Variants in PRKCE observed in about 807,000 individuals in gnomAD.
PRKCE encodes protein kinase C epsilon type.
Under a neutral mutation model 85.4 loss-of-function variants are expected in PRKCE, and 16 were observed. The observed-to-expected ratio is 0.19, with a 90% CI of 0.13 to 0.28. The LOEUF is 0.28. Ranked by LOEUF, PRKCE falls within the 10% of genes least tolerant of loss-of-function variation. PRKCE has a pLI of 1.00. For synonymous variants in PRKCE, 388 were observed against 371.5 expected (o/e 1.04, Z -0.51); for missense variants, 573 against 975.2 (o/e 0.59, Z 5.49).
chr2:45,986,262 G>A (rs1284992484), intron 6 of PRKCE, among the ~76,000 whole-genome samples: 1 of 152,262 alleles, frequency 6.6e-6, no homozygotes, highest in Non-Finnish European at 1.5e-5. Flanking sequence ...AGCTGTCTTA[G>A]TGGGACAGTG....
chr2:45,675,909 C>T (rs185328214), intron 1 of PRKCE, among the ~76,000 whole-genome samples: 103 of 152,212 alleles, frequency 6.8e-4, no homozygotes, highest in Middle Eastern at 3.4e-3. Flanking sequence ...GCTGTGGAAG[C>T]GTCTCAGCAT....
intron 10 of PRKCE, among the ~76,000 whole-genome samples, chr2:46,048,112 C>A (rs1339904243): frequency 6.6e-6 from 1 of 152,176 alleles, no homozygotes; most frequent in African/African-American, 2.4e-5. Context: ...CCACCCCTCC[C>A]ACCCCCTGCC....
At chr2:45,846,312 G>GC (rs1174655487) in intron 2 of PRKCE, among the ~76,000 whole-genome samples, 1 of 152,172 alleles carries the variant, frequency 6.6e-6, no homozygotes, top group Non-Finnish European at 1.5e-5. Context: ...ATGTGGCAAT[G>GC]CCCCATGATT....
Position 46,145,338 on chromosome 2 carries a change from A to G in PRKCE, c.1731+107A>G. 1 of 1,414,956 alleles carries G rather than the reference A, an allele frequency of 7.1e-7. No homozygotes were observed. The highest frequency in any genetic ancestry group is 9.6e-7 in the Non-Finnish European group (1 of 1,037,320). The allele number at this position is 1,414,956 out of a possible 1,614,324, so 87.7% of individuals were successfully genotyped here. Reference sequence around the variant, plus strand: ...AGTGGTGCTGGGGGAAGGCTCTGGAAATCCAGGATGGATTCTAGGAAGGAG... The same window carrying G: ...AGTGGTGCTGGGGGAAGGCTCTGGAGATCCAGGATGGATTCTAGGAAGGAG... On this transcript the variant is annotated intron_variant, in intron 12 of 14. Coordinates refer to ENST00000306156, the MANE Select transcript of PRKCE (RefSeq NM_005400.3). This position sits in a 1 kb window ranked among gnomAD's most constrained non-coding sequence, Gnocchi z 4.6.
At chr2:46,031,644 C>G (rs981217169) in intron 10 of PRKCE, among the ~76,000 whole-genome samples, 4 of 142,866 alleles carry the variant, frequency 2.8e-5, no homozygotes, top group African/African-American at 7.7e-5. Flanking sequence ...GTAGAAAAAA[C>G]CCACTTACCC....
chr2:45,975,214 A>T lies in PRKCE; in HGVS notation c.413-1215A>T, dbSNP rs149716788. ...GGAGTTGTTTCGAGGGTTCATTGAG[A>T]TGTATTGTATCACTAAGATATAACA... is the stretch of plus-strand genomic sequence containing the variant. On this transcript the variant is annotated intron_variant, in intron 2 of 14. Transcript: ENST00000306156. Among the ~76,000 whole-genome samples the T allele has an allele frequency of 2.3e-3, 357 of 152,272 alleles. 1 individual carries two copies. The highest frequency in any genetic ancestry group is 8.0e-3 in the African/African-American group (333 of 41,548).
At chr2:45,931,592 A>G (rs535298355) in intron 2 of PRKCE, among the ~76,000 whole-genome samples, 6 of 152,264 alleles carry the variant, frequency 3.9e-5, no homozygotes, top group African/African-American at 1.4e-4. Flanking sequence ...TGGTGTTCCA[A>G]ATGTTCTATA....
At chr2:46,049,047 G>C (rs1708697002) in intron 10 of PRKCE, among the ~76,000 whole-genome samples, 1 of 152,136 alleles carries the variant, frequency 6.6e-6, no homozygotes, top group South Asian at 2.1e-4. Flanking sequence ...GTAGTCTAGA[G>C]TCCCAGGGCC....
chr2:45,719,140 C>T (rs1420425101), intron 1 of PRKCE, among the ~76,000 whole-genome samples: 1 of 152,224 alleles, frequency 6.6e-6, no homozygotes, highest in African/African-American at 2.4e-5. Flanking sequence ...CACCTGTGGG[C>T]GGTGCTAGGA....
At chr2:46,093,304 T>TA (rs1670355555) in intron 11 of PRKCE, among the ~76,000 whole-genome samples, 2 of 152,078 alleles carry the variant, frequency 1.3e-5, no homozygotes, top group Admixed American at 1.3e-4. Context: ...TCACCCGAGT[T>TA]TACACAATGA....
chr2:45,820,271 CAT>C (rs1467248132), intron 1 of PRKCE, among the ~76,000 whole-genome samples: 1 of 152,062 alleles, frequency 6.6e-6, no homozygotes, highest in African/African-American at 2.4e-5. Context: ...ACTTGAGAAA[CAT>C]GTGGGGAGAG....
At chr2:46,044,194 G>A (rs6721170) in intron 10 of PRKCE, among the ~76,000 whole-genome samples, 237 of 152,354 alleles carry the variant, frequency 1.6e-3, no homozygotes, top group African/African-American at 5.6e-3. Flanking sequence ...GTAACTTGGT[G>A]CTTAGTGGGT....
intron 1 of PRKCE, among the ~76,000 whole-genome samples, chr2:45,800,579 A>T (rs1687782502): frequency 1.3e-5 from 2 of 152,212 alleles, no homozygotes; most frequent in Admixed American, 1.3e-4. Context: ...TACTCCTAGA[A>T]GGAGTAAGTT....
intron 1 of PRKCE, among the ~76,000 whole-genome samples, chr2:45,695,280 G>T (rs938104316): frequency 6.6e-6 from 1 of 152,042 alleles, no homozygotes; most frequent in Non-Finnish European, 1.5e-5. Flanking sequence ...CTGTTCCCGC[G>T]ATGATTTTAA....
chr2:46,021,489 TC>T (rs1706656849), intron 10 of PRKCE, among the ~76,000 whole-genome samples: 1 of 152,120 alleles, frequency 6.6e-6, no homozygotes, highest in Non-Finnish European at 1.5e-5. Flanking sequence ...CCATTCGCTT[TC>T]CCCTTTGCAT....
At chr2:45,687,964 G>C (rs1359805246) in intron 1 of PRKCE, among the ~76,000 whole-genome samples, 3 of 152,222 alleles carry the variant, frequency 2.0e-5, no homozygotes, top group African/African-American at 7.2e-5. Flanking sequence ...GGTCCTCAGA[G>C]TTGGAGCGTT....
chr2:46,065,334 TG>T (rs1207975076), intron 10 of PRKCE, among the ~76,000 whole-genome samples: 1 of 152,104 alleles, frequency 6.6e-6, no homozygotes, highest in African/African-American at 2.4e-5. Context: ...GAAACAGTTT[TG>T]GGGTTTGTCA....
At chr2:45,682,463 G>A (rs1676982240) in intron 1 of PRKCE, among the ~76,000 whole-genome samples, 1 of 151,828 alleles carries the variant, frequency 6.6e-6, no homozygotes, top group Admixed American at 6.6e-5. Flanking sequence ...ATCTTGCTCT[G>A]TTGACCAGGC....
At chr2:45,852,191 T>A (rs1692323373) in intron 2 of PRKCE, among the ~76,000 whole-genome samples, 1 of 152,226 alleles carries the variant, frequency 6.6e-6, no homozygotes, top group Non-Finnish European at 1.5e-5. Context: ...CCGATGGTCA[T>A]ACCTACTTTC....
Sources: gnomAD v4.1 joint callset for allele counts (sites outside exome capture counted in the v4.1 genomes callset) on GRCh38, gnomAD v4.1.1 for gene constraint, Gnocchi (gnomAD v3.1) non-coding constraint, MANE v1.5 for transcripts, NCBI Gene and HGNC (gene_info 2026-07-23, HGNC 2026-07-21) for gene names.